The following SPPL2B variants were observed in gnomAD, a reference collection of about 807,000 sequenced individuals.
The protein encoded by SPPL2B is signal peptide peptidase like 2B.
A neutral mutation model predicts 59.7 loss-of-function variants in SPPL2B; 39 were observed. That is an observed-to-expected ratio of 0.65 (90% CI 0.51 to 0.85). The LOEUF is 0.85. Ranked by LOEUF, SPPL2B falls within the 40% of genes least tolerant of loss-of-function variation. The pLI, the probability that SPPL2B is intolerant of heterozygous loss-of-function variation, is 0.00. For missense variants in SPPL2B, 865 were observed against 849.0 expected (o/e 1.02, Z -0.23); for synonymous variants, 419 against 370.8 (o/e 1.13, Z -1.49).
At position 2,338,854 on chromosome 19, in the gene SPPL2B, C is replaced by G; in HGVS notation, c.459+13C>G. Reference sequence around the variant, plus strand: ...GGACATCTTCACGGTAGGTCTGCGCCGGCTCAGACCCACGCTCCCGAGGAG... The same window carrying G: ...GGACATCTTCACGGTAGGTCTGCGCGGGCTCAGACCCACGCTCCCGAGGAG... On this transcript the variant is annotated intron_variant, in intron 4 of 14. Transcript: ENST00000613503. 1 of 1,611,272 alleles carries G rather than the reference C, an allele frequency of 6.2e-7. No homozygotes were observed. Among genetic ancestry groups the G allele is most frequent in the Non-Finnish European group, 8.5e-7 (1 of 1,178,086 alleles).
chr19:2,339,049 C>A lies in SPPL2B; in HGVS notation c.460-20C>A, dbSNP rs556286786. 1 of 1,544,026 alleles carries A rather than the reference C, an allele frequency of 6.5e-7. No homozygotes were observed. The highest frequency in any genetic ancestry group is 1.2e-5 in the South Asian group (1 of 84,214). On this transcript the variant is annotated intron_variant, in intron 4 of 14. Coordinates refer to ENST00000613503, the MANE Select transcript of SPPL2B (RefSeq NM_152988.3). ...GGCGGGTGGCTCTGACGCCTGCCTC[C>A]GGTGTGTTCCTTGAGGCAGCGTTTC... is the stretch of plus-strand genomic sequence containing the variant.
intron 5 of SPPL2B, among the ~76,000 whole-genome samples, chr19:2,339,465 G>A (rs956212614): frequency 6.6e-6 from 1 of 152,206 alleles, no homozygotes; most frequent in African/African-American, 2.4e-5. Flanking sequence ...GGCAGGTGCA[G>A]GGCTGGGCAG....
At chr19:2,347,181 C>T (rs1004617144) in intron 13 of SPPL2B, among the ~76,000 whole-genome samples, 6 of 150,982 alleles carry the variant, frequency 4.0e-5, no homozygotes, top group South Asian at 2.1e-4. Flanking sequence ...CACACACACG[C>T]GCTCTCATTC....
Position 2,334,707 on chromosome 19 carries a change from G to A in SPPL2B, c.172G>A (p.Asp58Asn), listed in dbSNP as rs1011251630. The change falls in exon 2 of 15, where the codon GAC (aspartate) becomes AAC (asparagine). Residue 58 changes from aspartate to asparagine, a missense_variant. Transcript: ENST00000613503. Reference sequence around the variant, plus strand: ...CCCGCAGTGGGCCCATCTTCCGCACGACCTCAGCAAGGCAGTGAGTACCCG... The same window carrying A: ...CCCGCAGTGGGCCCATCTTCCGCACAACCTCAGCAAGGCAGTGAGTACCCG... Reference protein sequence around the residue: ...YNPQWAHLPHDLSKASFLQLR... With the variant: ...YNPQWAHLPHNLSKASFLQLR... 35 of 1,608,178 alleles carry A rather than the reference G, an allele frequency of 2.2e-5. No homozygotes were observed. The highest frequency in any genetic ancestry group is 4.0e-5 in the African/African-American group (3 of 74,742).
chr19:2,343,950 C>T lies in SPPL2B; in HGVS notation c.1039-15C>T. ...GGGCCGGGGTGGGGGCCGCCCTCAG[C>T]CGTGGGCTTCGCAGGCCTGCACGCT... On this transcript the variant is annotated splice_polypyrimidine_tract_variant and intron_variant, in intron 9 of 14. Coordinates refer to ENST00000613503, the MANE Select transcript of SPPL2B (RefSeq NM_152988.3). 1 of 1,546,150 alleles carries T rather than the reference C, an allele frequency of 6.5e-7. No homozygotes were observed. The highest frequency in any genetic ancestry group is 8.7e-7 in the Non-Finnish European group (1 of 1,145,202).
chr19:2,341,248 G>A lies in SPPL2B; in HGVS notation c.956+234G>A, dbSNP rs371345112. The A allele has an allele frequency of 9.4e-4, 636 of 674,618 alleles. 1 individual carries two copies. Among genetic ancestry groups the A allele is most frequent in the Admixed American group, 2.0e-3 (96 of 48,976 alleles). 41.8% of individuals were successfully genotyped at this position (674,618 alleles called of 1,614,324 possible). ...TGACTGGAATCCGGGAGGAGAGGCCGGAGCCCCTGTGGCCAGGAGCCACGT... is the reference window on the plus strand; with the variant it reads ...TGACTGGAATCCGGGAGGAGAGGCCAGAGCCCCTGTGGCCAGGAGCCACGT... On this transcript the variant is annotated intron_variant, in intron 8 of 14. Transcript: ENST00000613503.
At chr19:2,347,760 T>C (rs77282821) in intron 13 of SPPL2B, among the ~76,000 whole-genome samples, 2,914 of 13,232 alleles carry the variant, frequency 0.22, 860 homozygotes, top group Middle Eastern at 0.33. Flanking sequence ...CCGTTCTCTC[T>C]CCACACACAC....
intron 1 of SPPL2B, among the ~76,000 whole-genome samples, chr19:2,331,329 G>A (rs956437419): frequency 2.0e-5 from 3 of 152,212 alleles, no homozygotes; most frequent in Non-Finnish European, 4.4e-5. Context: ...CCTGTGTGCG[G>A]TTGCAAAGCG....
intron 8 of SPPL2B, chr19:2,341,313 C>T (rs866020788): frequency 6.8e-6 from 4 of 588,188 alleles, no homozygotes; most frequent in East Asian, 7.6e-5. Context: ...GGCATCGCTG[C>T]CCAGGGCCAC....
chr19:2,345,290 G>T lies in SPPL2B; in HGVS notation c.1314G>T (p.Gln438His), dbSNP rs1023352611. 1.9e-6 allele frequency: 3 copies of T among 1,612,978 alleles called. No individual in the cohort carries two copies. The highest frequency in any genetic ancestry group is 2.5e-6 in the Non-Finnish European group (3 of 1,179,740). ...LVAYCHRFDI[Q>H]VQSSRVYFVA... ...CCTACTGCCACAGGTTTGACATCCA[G>T]GTACAGTCCTCCAGGGTATACTTCG... Residue 438 changes from glutamine (Q) to histidine (H), a missense_variant, in exon 13 of 15, where the codon CAG (glutamine) becomes CAT (histidine). Physicochemically the swap from Gln to His is conservative, Grantham distance 24 (BLOSUM62 0). Transcript: ENST00000613503.
intron 2 of SPPL2B, among the ~76,000 whole-genome samples, chr19:2,336,205 GTA>G (rs2145149759): frequency 6.6e-6 from 1 of 152,000 alleles, no homozygotes; most frequent in South Asian, 2.1e-4. Context: ...GTCTGAATGT[GTA>G]TGTCTGTTTT....
intron 7 of SPPL2B, chr19:2,340,635 G>T: frequency 1.8e-6 from 1 of 562,312 alleles, no homozygotes; most frequent in South Asian, 2.1e-5. Flanking sequence ...TCTGGAGCAG[G>T]CAGGGCCTCG....
intron 5 of SPPL2B, 82 bp downstream of exon 5, chr19:2,339,290 A>G: frequency 6.7e-7 from 1 of 1,498,632 alleles, no homozygotes; most frequent in Non-Finnish European, 9.0e-7. Flanking sequence ...CCAGAACAGC[A>G]GTGAGTGCTT....
Position 2,340,947 on chromosome 19 carries a change from A to C in SPPL2B, c.889A>C (p.Met297Leu). ...CTTCCACAAGCGCCCGCAGGCCCGTATGCTGCTCCTGGCGCTCTTCTGCGT... is the reference window on the plus strand; with the variant it reads ...CTTCCACAAGCGCCCGCAGGCCCGTCTGCTGCTCCTGGCGCTCTTCTGCGT... Reference protein sequence around the residue: ...PYFHKRPQARMLLLALFCVAV... With the variant: ...PYFHKRPQARLLLLALFCVAV... Residue 297 changes from methionine to leucine, a missense_variant, in exon 8 of 15, where the codon ATG becomes CTG. Physicochemically the swap from Met to Leu is conservative, Grantham distance 15 (BLOSUM62 2). Transcript: ENST00000613503. 1 of 1,603,874 alleles carries C rather than the reference A, an allele frequency of 6.2e-7. No homozygotes were observed. The highest frequency in any genetic ancestry group is 1.7e-5 in the Admixed American group (1 of 59,982).
intron 14 of SPPL2B, 114 bp from the exon 15 acceptor site, chr19:2,352,832 C>A: frequency 8.6e-7 from 1 of 1,158,598 alleles, no homozygotes; most frequent in Non-Finnish European, 1.2e-6. Flanking sequence ...CTGGGGATGG[C>A]GCCTCATTTT....
chr19:2,352,270 C>T (rs568187665), intron 14 of SPPL2B, among the ~76,000 whole-genome samples: 12 of 152,260 alleles, frequency 7.9e-5, no homozygotes, highest in East Asian at 5.8e-4. Flanking sequence ...CCCGCCCCTC[C>T]GGGCAGCGCC....
At chr19:2,339,707 C>G in intron 5 of SPPL2B, 117 bp from the exon 6 acceptor site, 5 of 1,255,078 alleles carry the variant, frequency 4.0e-6, no homozygotes, top group Non-Finnish European at 5.6e-6. Context: ...TCAGTCCCCC[C>G]CGGGTCCCCT....
intron 2 of SPPL2B, among the ~76,000 whole-genome samples, chr19:2,336,160 A>C (rs1360328464): frequency 6.6e-6 from 1 of 152,142 alleles, no homozygotes; most frequent in Non-Finnish European, 1.5e-5. Flanking sequence ...GTGTGTGAGC[A>C]TGTGTGTAAT....
rs751078456 is a variant in SPPL2B, at chr19:2,339,896, G to C, written c.672G>C (p.Val224=). 2.5e-6 allele frequency: 4 copies of C among 1,585,534 alleles called. No individual in the cohort carries two copies. The African/African-American group carries it at 5.4e-5, about 21-fold the overall frequency. ...ACGAGGCGGTGGACGTGACGCCGGTGATGACCTGCGTGTTTGTGGTGATGT... is the reference window on the plus strand; with the variant it reads ...ACGAGGCGGTGGACGTGACGCCGGTCATGACCTGCGTGTTTGTGGTGATGT... ...QEDEAVDVTP[V]MTCVFVVMCC... is the part of the protein sequence containing the mutation. Residue 224 remains valine, a synonymous_variant, in exon 6 of 15, where the codon GTG becomes GTC. Transcript: ENST00000613503.
Sources: gnomAD v4.1 joint callset for allele counts (sites outside exome capture counted in the v4.1 genomes callset) on GRCh38, gnomAD v4.1.1 for gene constraint, MANE v1.5 for transcripts, NCBI Gene and HGNC (gene_info 2026-07-23, HGNC 2026-07-21) for gene names.